Variants in ZNF284 observed in about 807,000 individuals in gnomAD.
ZNF284 encodes the protein zinc finger protein 284.
A neutral mutation model predicts 12.9 loss-of-function variants in ZNF284; 12 were observed. The ratio of observed to expected loss-of-function variants is 0.93; its 90% CI spans 0.60 to 1.51. The LOEUF is 1.51. Among genes scored for constraint, ZNF284 ranks in the 40% most tolerant of loss-of-function variants. The pLI is 0.00. For synonymous variants in ZNF284, 225 were observed against 236.5 expected (o/e 0.95, Z 0.45); for missense variants, 667 against 707.3 (o/e 0.94, Z 0.65).
rs183660335 is a variant in ZNF284 at position 44,079,491 on chromosome 19, C to T, written c.16-1524C>T. ...TTGGGAGGCCAAGGCAGGCGGATCA[C>T]GAGGTGAGGAGATCGAGACCATCCT... On this transcript the variant is annotated intron_variant, in intron 2 of 4. Coordinates refer to ENST00000421176, the MANE Select transcript of ZNF284 (RefSeq NM_001037813.4). Among the ~76,000 whole-genome samples, 73 of 151,952 alleles carry T rather than the reference C, an allele frequency of 4.8e-4. No individual in the cohort carries two copies. The East Asian group carries it at 0.011, about 23-fold the overall frequency.
intron 4 of ZNF284, among the ~76,000 whole-genome samples, chr19:44,083,474 T>TATATATATATATATAGAGAGAGAGAG (rs746837013): frequency 1.5e-5 from 1 of 64,926 alleles, no homozygotes; most frequent in African/African-American, 5.0e-5. Flanking sequence ...TATATATATA[T>TATATATATATATATAGAGAGAGAGAG]AGAGAGAGAG....
rs8113487 is a variant in ZNF284 at position 44,087,401 on chromosome 19, G to C, written c.*141G>C. The stretch of plus-strand genomic sequence containing the variant: ...TTTATCATTTCTTTGTGCTTTGAAC[G>C]TTCAAAAACTGCTGTTCTAGTTATT... On this transcript the variant is annotated 3_prime_UTR_variant, in exon 5 of 5. Transcript: ENST00000421176. 597,893 of 701,864 alleles carry C rather than the reference G, an allele frequency of 0.85. 256,438 individuals are homozygous for C. Among genetic ancestry groups the C allele is most frequent in the Non-Finnish European group, 0.89 (415,297 of 466,356 alleles). The allele number at this position is 701,864 out of a possible 1,614,324, so 43.5% of individuals were successfully genotyped here.
intron 3 of ZNF284, among the ~76,000 whole-genome samples, chr19:44,081,588 T>G (rs956755841): frequency 1.3e-5 from 2 of 152,004 alleles, no homozygotes; most frequent in Non-Finnish European, 2.9e-5. Flanking sequence ...GGCGGGCGTC[T>G]GTAGTCCCAG....
intron 2 of ZNF284, among the ~76,000 whole-genome samples, chr19:44,079,765 C>A (rs966457052): frequency 6.6e-6 from 1 of 151,754 alleles, no homozygotes; most frequent in Non-Finnish European, 1.5e-5. Flanking sequence ...CCCATCTCTA[C>A]TAAAAATACA....
chr19:44,083,051 A>T (rs1178297688), intron 4 of ZNF284, among the ~76,000 whole-genome samples: 1 of 151,588 alleles, frequency 6.6e-6, no homozygotes, highest in Non-Finnish European at 1.5e-5. Flanking sequence ...TGATTGGAAT[A>T]CTCTTTCACC....
Position 44,087,155 on chromosome 19 carries a change from C to T in ZNF284, c.1677C>T (p.Ser559=), listed in dbSNP as rs202070396. The part of the protein sequence containing the change: ...EHSSCLQDQQ[S]DHSGEKTSKC... ...GTTCATGCCTTCAAGACCAACAAAG[C>T]GACCACAGTGGAGAAAAAACATCCA... Residue 559 remains serine, a synonymous_variant, in exon 5 of 5, where the codon AGC becomes AGT. Transcript: ENST00000421176. 8 of 1,613,926 alleles carry T rather than the reference C, an allele frequency of 5.0e-6. No homozygotes were observed. Among genetic ancestry groups the T allele is most frequent in the African/African-American group, 2.7e-5 (2 of 75,004 alleles).
At chr19:44,080,923 C>T in intron 2 of ZNF284, 92 bp from the exon 3 acceptor site, 3 of 1,471,698 alleles carry the variant, frequency 2.0e-6, no homozygotes, top group Non-Finnish European at 2.8e-6. Context: ...TCCACAGCAA[C>T]TTCTCACCCA....
chr19:44,089,522 T>C lies in ZNF284; in HGVS notation c.*2262T>C, dbSNP rs1478714415. The stretch of plus-strand genomic sequence containing the variant: ...ATGTCTCTGGTTAAATGAAAGGGTT[T>C]CAAATGTGAAGACAACCCTAACCAT... On this transcript the variant is annotated 3_prime_UTR_variant, in exon 5 of 5. Coordinates refer to ENST00000421176, the MANE Select transcript of ZNF284 (RefSeq NM_001037813.4). 1 of 152,204 alleles carries C rather than the reference T, an allele frequency of 6.6e-6. No individual in the cohort carries two copies. The allele number at this position is 152,204 out of a possible 1,614,324, so 9.4% of individuals were successfully genotyped here. A position where few individuals can be genotyped will look rare whatever the true frequency, so the allele number is the denominator to read the frequency against.
chr19:44,083,503 G>GAGAGAGAGAGAGAGAGAGA (rs1568522606), intron 4 of ZNF284, among the ~76,000 whole-genome samples: 1 of 22,414 alleles, frequency 4.5e-5, no homozygotes, highest in African/African-American at 9.7e-5. Context: ...AGAGAGAGAG[G>GAGAGAGAGAGAGAGAGAGA]GAATGGAATA....
intron 2 of ZNF284, among the ~76,000 whole-genome samples, chr19:44,077,780 G>C (rs1254241228): frequency 6.6e-6 from 1 of 152,096 alleles, no homozygotes; most frequent in East Asian, 1.9e-4. Context: ...GAAAGAGAGA[G>C]AGAAGAAGAA....
chr19:44,079,010 C>T (rs890964584), intron 2 of ZNF284, among the ~76,000 whole-genome samples: 1 of 151,878 alleles, frequency 6.6e-6, no homozygotes, highest in Admixed American at 6.6e-5. Flanking sequence ...AGGCTGGTCT[C>T]GAACTCCAGA....
chr19:44,075,527 G>C, intron 1 of ZNF284, among the ~76,000 whole-genome samples: 1 of 152,104 alleles, frequency 6.6e-6, no homozygotes, highest in South Asian at 2.1e-4. Flanking sequence ...ACTTGGCCAA[G>C]ATGAAGTCTT....
chr19:44,080,993 T>C lies in ZNF284; in HGVS notation c.16-22T>C, dbSNP rs186757731. ...GGAATCACTGGTCATGAGATTGAGA[T>C]TGCATACGTTTGTTGTTGTAGGAGG... On this transcript the variant is annotated intron_variant, in intron 2 of 4. Transcript: ENST00000421176. 6.2e-5 allele frequency: 100 copies of C among 1,606,138 alleles called. No homozygotes were observed. In the African/African-American group the frequency reaches 1.1e-3, roughly 18 times the overall value.
At chr19:44,081,496 G>A (rs1028664778) in intron 3 of ZNF284, among the ~76,000 whole-genome samples, 1 of 152,106 alleles carries the variant, frequency 6.6e-6, no homozygotes, top group African/African-American at 2.4e-5. Context: ...CAGATCACGA[G>A]GTTGGGAGAT....
intron 1 of ZNF284, among the ~76,000 whole-genome samples, chr19:44,072,871 C>T (rs560581530): frequency 6.6e-6 from 1 of 152,358 alleles, no homozygotes; most frequent in African/African-American, 2.4e-5. Context: ...TGTTTCACAG[C>T]TTTCTCCTTC....
At position 44,081,144 on chromosome 19, in the gene ZNF284, G is replaced by A. The variant is rs10407862; in HGVS notation, c.142+3G>A. The A allele has an allele frequency of 7.3e-3, 11,800 of 1,609,828 alleles. 732 individuals are homozygous for A. The African/African-American group carries it at 0.14, about 18-fold the overall frequency. Reference sequence around the variant, plus strand: ...CTTCAGAAACCTGCTATCAGTGGGTGAGCACAGGCACCCTCTGTAATGGAA... The same window carrying A: ...CTTCAGAAACCTGCTATCAGTGGGTAAGCACAGGCACCCTCTGTAATGGAA... On this transcript the variant is annotated splice_donor_region_variant and intron_variant, in intron 3 of 4. Coordinates refer to ENST00000421176, the MANE Select transcript of ZNF284 (RefSeq NM_001037813.4).
Position 44,086,788 on chromosome 19 carries a change from T to C in ZNF284, c.1310T>C (p.Ile437Thr). Residue 437 changes from isoleucine (I) to threonine (T), a missense_variant, in exon 5 of 5, where the codon ATT (isoleucine) becomes ACT (threonine). Physicochemically the swap from Ile to Thr is moderately conservative, Grantham distance 89. Transcript: ENST00000421176. Reference protein sequence around the residue: ...YKCQKCGKGYISKFNLDLHQR... With the variant: ...YKCQKCGKGYTSKFNLDLHQR... ...TGTCAGAAGTGTGGGAAGGGCTACA[T>C]TAGTAAGTTTAATCTTGACTTGCAC... 1.9e-6 allele frequency: 3 copies of C among 1,614,008 alleles called. No homozygotes were observed. Among genetic ancestry groups the C allele is most frequent in the Non-Finnish European group, 2.5e-6 (3 of 1,179,994 alleles).
intron 2 of ZNF284, among the ~76,000 whole-genome samples, chr19:44,077,559 T>C (rs1309279887): frequency 1.7e-4 from 24 of 144,864 alleles, no homozygotes; most frequent in African/African-American, 5.8e-4. Flanking sequence ...TTTTTTTTTT[T>C]AGTTTTTTAG....
At chr19:44,082,639 C>T (rs879875912) in intron 4 of ZNF284, among the ~76,000 whole-genome samples, 1 of 152,204 alleles carries the variant, frequency 6.6e-6, no homozygotes, top group Non-Finnish European at 1.5e-5. Context: ...GGCTTTGTTC[C>T]TGTCTAGATG....
Sources: gnomAD v4.1 joint callset for allele counts (sites outside exome capture counted in the v4.1 genomes callset) on GRCh38, gnomAD v4.1.1 for gene constraint, MANE v1.5 for transcripts, NCBI Gene and HGNC (gene_info 2026-07-23, HGNC 2026-07-21) for gene names.